TMEM119: variants seen among roughly 807,000 people sequenced by gnomAD.
TMEM119 encodes osteoblast induction factor.
For synonymous variants in TMEM119, 182 were observed against 176.4 expected (o/e 1.03, Z -0.25); for missense variants, 410 against 381.0 (o/e 1.08, Z -0.63).
chr12:108,593,914 C>G (rs1056871176), intron 1 of TMEM119, among the ~76,000 whole-genome samples: 2 of 152,214 alleles, frequency 1.3e-5, no homozygotes, highest in Admixed American at 6.5e-5. Context: ...GCTCAGGTCC[C>G]GGAAGCGGGC....
At position 108,592,435 on chromosome 12, in the gene TMEM119, C is replaced by A; in HGVS notation, c.-14-38G>T. 6.6e-7 allele frequency: 1 copy of A among 1,505,318 alleles called. No individual in the cohort carries two copies. Among genetic ancestry groups the A allele is most frequent in the South Asian group, 1.3e-5 (1 of 78,514 alleles). The allele number at this position is 1,505,318 out of a possible 1,614,324, so 93.2% of individuals were successfully genotyped here. A position where few individuals can be genotyped will look rare whatever the true frequency, so the allele number is the denominator to read the frequency against. On this transcript the variant is annotated intron_variant, in intron 1 of 1. Transcript: ENST00000392806. The surrounding 1 kb of genome is among the most constrained non-coding windows in gnomAD (Gnocchi z 4.3). The stretch of plus-strand genomic sequence containing the variant: ...AGGGAGGAGAGAAGTCATGGCGGAA[C>A]TCTAGAGTGTCAGGATTCAGAAACA...
At position 108,591,590 on chromosome 12, in the gene TMEM119, C is replaced by G. The variant is rs772971447; in HGVS notation, c.794G>C (p.Gly265Ala). 1 of 1,613,556 alleles carries G rather than the reference C, an allele frequency of 6.2e-7. No individual in the cohort carries two copies. Among genetic ancestry groups the G allele is most frequent in the Non-Finnish European group, 8.5e-7 (1 of 1,179,784 alleles). ...GSLLLAQEAQ[G>A]PVGPPESPCA... Reference sequence around the variant, plus strand: ...GGGGCTTTCGGGGGGACCCACTGGTCCCTGGGCTTCCTGGGCTAACAAGAG... The same window carrying G: ...GGGGCTTTCGGGGGGACCCACTGGTGCCTGGGCTTCCTGGGCTAACAAGAG... The change falls in exon 2 of 2, where the codon GGA becomes GCA. Residue 265 changes from glycine to alanine, a missense_variant. Coordinates refer to ENST00000392806, the MANE Select transcript of TMEM119 (RefSeq NM_181724.3). This position sits in a 1 kb window ranked among gnomAD's most constrained non-coding sequence, Gnocchi z 4.2.
chr12:108,591,834 T>C lies in TMEM119; in HGVS notation c.550A>G (p.Lys184Glu), dbSNP rs1433703199. 2 of 1,601,262 alleles carry C rather than the reference T, an allele frequency of 1.2e-6. No individual in the cohort carries two copies. Among genetic ancestry groups the C allele is most frequent in the Non-Finnish European group, 1.7e-6 (2 of 1,174,220 alleles). The change falls in exon 2 of 2, where the codon AAG becomes GAG. Residue 184 changes from lysine to glutamate, a missense_variant. Lys to Glu is a moderately conservative substitution (Grantham distance 56). Transcript: ENST00000392806. This position sits in a 1 kb window ranked among gnomAD's most constrained non-coding sequence, Gnocchi z 4.2. ...ADILAATQNL[K>E]SPTRAALGGG... is the part of the protein sequence containing the mutation. ...CCCAGTGCAGCCCTGGTGGGGGACT[T>C]GAGGTTCTGGGTGGCGGCCAAGATG...
At chr12:108,597,819 T>TTCCA (rs1405486095) in intron 1 of TMEM119, among the ~76,000 whole-genome samples, 151 bp downstream of exon 1, 10 of 150,004 alleles carry the variant, frequency 6.7e-5, no homozygotes, top group African/African-American at 2.5e-4. Context: ...GGGACTCAGA[T>TTCCA]TCCACCACAC....
At chr12:108,593,948 G>GAA (rs2031461928) in intron 1 of TMEM119, among the ~76,000 whole-genome samples, 1 of 152,234 alleles carries the variant, frequency 6.6e-6, no homozygotes, top group South Asian at 2.1e-4. Context: ...CTTCAACACA[G>GAA]AAAAGCCTTA....
chr12:108,592,530 C>A lies in TMEM119; in HGVS notation c.-14-133G>T. The A allele has an allele frequency of 9.8e-7, 1 of 1,023,938 alleles. No individual in the cohort carries two copies. The allele number at this position is 1,023,938 out of a possible 1,614,324, so 63.4% of individuals were successfully genotyped here. On this transcript the variant is annotated intron_variant, in intron 1 of 1. Coordinates refer to ENST00000392806, the MANE Select transcript of TMEM119 (RefSeq NM_181724.3). The surrounding 1 kb of genome is among the most constrained non-coding windows in gnomAD (Gnocchi z 4.3). ...TAGCAAGTCCCTTCCATTCCCAGGG[C>A]CTGAGCCCCGCTGGTTCAGCTGTGG... is the stretch of plus-strand genomic sequence containing the variant.
At chr12:108,593,063 G>A (rs2031446464) in intron 1 of TMEM119, among the ~76,000 whole-genome samples, 1 of 152,154 alleles carries the variant, frequency 6.6e-6, no homozygotes, top group Non-Finnish European at 1.5e-5. Flanking sequence ...GCACTGGGTG[G>A]CCAAAGTGGC....
intron 1 of TMEM119, among the ~76,000 whole-genome samples, chr12:108,596,400 C>T (rs145627646): frequency 3.4e-4 from 51 of 151,122 alleles, no homozygotes; most frequent in African/African-American, 1.1e-3. Context: ...CACACATGCA[C>T]ACATACACCT....
chr12:108,595,669 C>T (rs2031494529), intron 1 of TMEM119, among the ~76,000 whole-genome samples: 1 of 151,180 alleles, frequency 6.6e-6, no homozygotes, highest in African/African-American at 2.4e-5. Flanking sequence ...ACCACACACA[C>T]TCACCTACAC....
chr12:108,595,388 C>T (rs1169848580), intron 1 of TMEM119, among the ~76,000 whole-genome samples: 1 of 136,608 alleles, frequency 7.3e-6, no homozygotes, highest in Admixed American at 7.3e-5. Flanking sequence ...CCACACACAA[C>T]CATGCACACA....
chr12:108,593,371 G>T (rs1385484381), intron 1 of TMEM119, among the ~76,000 whole-genome samples: 1 of 152,054 alleles, frequency 6.6e-6, no homozygotes, highest in Non-Finnish European at 1.5e-5. Context: ...TTGAACCTGG[G>T]AGGCGGAGGT....
chr12:108,595,855 C>T (rs918057392), intron 1 of TMEM119, among the ~76,000 whole-genome samples: 19 of 152,198 alleles, frequency 1.2e-4, no homozygotes, highest in African/African-American at 3.6e-4. Context: ...TGCCAGTCAC[C>T]TCCCTGCCTC....
rs1285661091 is a variant in TMEM119, at chr12:108,591,628, C to A, written c.756G>T (p.Glu252Asp). ...GAVVAGEGQGELEGSLLLAQE... is the reference protein window; with the variant it reads ...GAVVAGEGQGDLEGSLLLAQE... ...GGGCTAACAAGAGAGACCCTTCCAG[C>A]TCCCCTTGGCCCTCACCGGCCACCA... Residue 252 changes from glutamate to aspartate, a missense_variant, in exon 2 of 2, where the codon GAG (glutamate) becomes GAT (aspartate). By Grantham distance (45) the Glu-to-Asp change is conservative. Transcript: ENST00000392806. The surrounding 1 kb of genome is among the most constrained non-coding windows in gnomAD (Gnocchi z 4.2). The A allele has an allele frequency of 1.2e-6, 2 of 1,613,992 alleles. No individual in the cohort carries two copies. The highest frequency in any genetic ancestry group is 2.2e-5 in the East Asian group (1 of 44,864).
chr12:108,589,894 C>T lies in TMEM119; in HGVS notation c.*1638G>A, dbSNP rs1467297280. 1 of 152,276 alleles carries T rather than the reference C, an allele frequency of 6.6e-6. No individual in the cohort carries two copies. Among genetic ancestry groups the T allele is most frequent in the Non-Finnish European group, 1.5e-5 (1 of 68,126 alleles). 9.4% of individuals were successfully genotyped at this position (152,276 alleles called of 1,614,324 possible). On this transcript the variant is annotated 3_prime_UTR_variant, in exon 2 of 2. Transcript: ENST00000392806. ...TGTGCTGGTGCATTATATCTCAGCA[C>T]CTGGAGAGCTGTGCAGAGGTTGGGG...
chr12:108,597,030 C>T (rs984504137), intron 1 of TMEM119, among the ~76,000 whole-genome samples: 2 of 152,228 alleles, frequency 1.3e-5, no homozygotes, highest in African/African-American at 4.8e-5. Flanking sequence ...GAGCCACCTC[C>T]CTGGACTGCT....
chr12:108,592,168 T>G lies in TMEM119; in HGVS notation c.216A>C (p.Ile72=). Residue 72 remains isoleucine, a synonymous_variant, in exon 2 of 2, where the codon ATA becomes ATC. Transcript: ENST00000392806. The surrounding 1 kb of genome is among the most constrained non-coding windows in gnomAD (Gnocchi z 4.3). ...LSPTSMGPQP[I]TLGGPSPPTN... ...TGGGGGGTGATGGGCCCCCCAGGGT[T>G]ATGGGCTGGGGCCCCATCGATGTGG... is the stretch of plus-strand genomic sequence containing the variant. 1 of 1,613,778 alleles carries G rather than the reference T, an allele frequency of 6.2e-7. No individual in the cohort carries two copies.
In TMEM119 at chr12:108,590,235, T is replaced by G. The variant is rs533031161; in HGVS notation, c.*1297A>C. The G allele has an allele frequency of 3.9e-4, 59 of 152,074 alleles. No individual in the cohort carries two copies. Among genetic ancestry groups the G allele is most frequent in the African/African-American group, 1.4e-3 (59 of 41,454 alleles). The allele number at this position is 152,074 out of a possible 1,614,324, so 9.4% of individuals were successfully genotyped here. A position where few individuals can be genotyped will look rare whatever the true frequency, so the allele number is the denominator to read the frequency against. ...CAGCAGCAGTAGCGGGATGAGAAAC[T>G]CACCCCCAGGCCGGGGGTGCTTGGA... On this transcript the variant is annotated 3_prime_UTR_variant, in exon 2 of 2. Transcript: ENST00000392806.
chr12:108,597,345 G>A (rs1347138614), intron 1 of TMEM119, among the ~76,000 whole-genome samples: 1 of 152,070 alleles, frequency 6.6e-6, no homozygotes, highest in Non-Finnish European at 1.5e-5. Context: ...TGGGGGAGGG[G>A]TGTTCTGGTT....
At chr12:108,596,707 G>A (rs746738686) in intron 1 of TMEM119, among the ~76,000 whole-genome samples, 2 of 152,224 alleles carry the variant, frequency 1.3e-5, no homozygotes, top group South Asian at 2.1e-4. Flanking sequence ...ACTGTTCTGG[G>A]CAGCTCTGAA....
Sources: gnomAD v4.1 joint callset for allele counts (sites outside exome capture counted in the v4.1 genomes callset) on GRCh38, gnomAD v4.1.1 for gene constraint, Gnocchi (gnomAD v3.1) non-coding constraint, MANE v1.5 for transcripts, NCBI Gene and HGNC (gene_info 2026-07-23, HGNC 2026-07-21) for gene names.